Variants in CCDC141 observed in about 807,000 individuals in gnomAD.
CCDC141 encodes the protein coiled-coil domain containing 141.
Under a neutral mutation model 181.0 loss-of-function variants are expected in CCDC141, and 168 were observed. The observed-to-expected ratio is 0.93, with a 90% CI of 0.82 to 1.05. CCDC141 has a LOEUF of 1.05. CCDC141 is among the 50% of genes least tolerant of loss of function. The pLI is 0.00. For synonymous variants in CCDC141, 666 were observed against 642.3 expected (o/e 1.04, Z -0.56); for missense variants, 1,902 against 1,788.5 (o/e 1.06, Z -1.14).
intron 6 of CCDC141, among the ~76,000 whole-genome samples, chr2:178,931,972 C>G (rs911954050): frequency 6.6e-6 from 1 of 152,018 alleles, no homozygotes; most frequent in East Asian, 1.9e-4. Context: ...TCGAGACCAG[C>G]CTGGCCAACA....
Position 178,966,860 on chromosome 2 carries a change from G to T in CCDC141, c.527-5377C>A, listed in dbSNP as rs528956619. Among the ~76,000 whole-genome samples the T allele has an allele frequency of 3.3e-5, 5 of 151,978 alleles. No homozygotes were observed. The East Asian group carries it at 7.8e-4, about 24-fold the overall frequency. On this transcript the variant is annotated intron_variant, in intron 4 of 23. Coordinates refer to ENST00000443758, the MANE Select transcript of CCDC141 (RefSeq NM_173648.4). ...AGGAAGCTAAGAACCTTGAAAAAAA[G>T]GTTAGACGAATTGCTAACTAGAATA...
chr2:178,930,994 C>T (rs1575231697), intron 6 of CCDC141, among the ~76,000 whole-genome samples: 1 of 152,030 alleles, frequency 6.6e-6, no homozygotes, highest in Non-Finnish European at 1.5e-5. Flanking sequence ...TATCAAAGAA[C>T]ATTTTGGTCA....
intron 2 of CCDC141, among the ~76,000 whole-genome samples, chr2:179,025,235 T>A (rs908661913): frequency 6.6e-6 from 1 of 152,090 alleles, no homozygotes. Context: ...TAGTGCCTGA[T>A]AGGTAATTTT....
intron 2 of CCDC141, among the ~76,000 whole-genome samples, chr2:178,981,636 G>GTGTATATA (rs1313433628): frequency 0.033 from 2,055 of 62,326 alleles, 47 homozygotes; most frequent in Non-Finnish European, 0.044. Context: ...GTGTGTGTGT[G>GTGTATATA]TATATATATA....
intron 6 of CCDC141, among the ~76,000 whole-genome samples, chr2:178,929,711 G>T (rs1689029481): frequency 6.6e-6 from 1 of 152,068 alleles, no homozygotes; most frequent in African/African-American, 2.4e-5. Context: ...TATCTTCTGA[G>T]TTTTAACAAT....
At chr2:178,990,576 GA>G (rs1187127123) in intron 2 of CCDC141, among the ~76,000 whole-genome samples, 143 of 123,144 alleles carry the variant, frequency 1.2e-3, no homozygotes, top group South Asian at 1.8e-3. Flanking sequence ...AAGAGAAGGG[GA>G]GGGGAGTGGA....
chr2:178,987,301 A>T (rs182329074), intron 2 of CCDC141, among the ~76,000 whole-genome samples: 26 of 152,152 alleles, frequency 1.7e-4, no homozygotes, highest in African/African-American at 5.8e-4. Flanking sequence ...TCCTTACACC[A>T]TATACAAAAA....
chr2:178,839,610 T>TAAAA (rs1684642326), intron 22 of CCDC141, among the ~76,000 whole-genome samples: 8 of 70,520 alleles, frequency 1.1e-4, no homozygotes, highest in African/African-American at 2.5e-4. Context: ...AAAAAAAATG[T>TAAAA]GTTTTCAGGT....
intron 20 of CCDC141, among the ~76,000 whole-genome samples, chr2:178,851,065 G>A (rs950796126): frequency 5.3e-5 from 8 of 152,032 alleles, no homozygotes; most frequent in African/African-American, 1.9e-4. Context: ...AATTAACCTG[G>A]TGTGGTGGCA....
rs765373299 is a variant in CCDC141, at chr2:178,868,138, T to C, written c.2462A>G (p.His821Arg). The C allele has an allele frequency of 1.2e-6, 2 of 1,614,072 alleles. No individual in the cohort carries two copies. The highest frequency in any genetic ancestry group is 1.3e-5 in the African/African-American group (1 of 75,056). Residue 821 changes from histidine (H) to arginine (R), a missense_variant, in exon 16 of 24, where the codon CAT (histidine) becomes CGT (arginine). Coordinates refer to ENST00000443758, the MANE Select transcript of CCDC141 (RefSeq NM_173648.4). ...GCACCGGAGGTGAATCTGCACATCA[T>C]GGGCATCACCCAGTTCCTTCGGCTG... ...VEQPKELGDA[H>R]DVQIHLRCSQ...
chr2:178,956,849 AC>A (rs1343751155), intron 5 of CCDC141, among the ~76,000 whole-genome samples: 6 of 151,800 alleles, frequency 4.0e-5, no homozygotes, highest in Non-Finnish European at 7.4e-5. Context: ...GTAATGCTAC[AC>A]CTGGGGGAAA....
chr2:178,895,974 T>TA (rs1034169455), intron 8 of CCDC141, among the ~76,000 whole-genome samples: 1 of 152,150 alleles, frequency 6.6e-6, no homozygotes, highest in Non-Finnish European at 1.5e-5. Flanking sequence ...TAACATAAGG[T>TA]AAAAAAGAGG....
chr2:178,845,034 T>C (rs1684877288), intron 22 of CCDC141, among the ~76,000 whole-genome samples: 1 of 152,236 alleles, frequency 6.6e-6, no homozygotes, highest in South Asian at 2.1e-4. Flanking sequence ...TCTGTAGTCG[T>C]TACATGCTTT....
chr2:178,857,167 C>A (rs1023427893), intron 17 of CCDC141, among the ~76,000 whole-genome samples: 2 of 152,090 alleles, frequency 1.3e-5, no homozygotes, highest in African/African-American at 4.8e-5. Context: ...CCAGATCTCT[C>A]TATCTTTTAA....
chr2:178,955,142 C>T (rs191867435), intron 5 of CCDC141, among the ~76,000 whole-genome samples: 76 of 152,096 alleles, frequency 5.0e-4, no homozygotes, highest in African/African-American at 3.4e-4. Flanking sequence ...AAAATATAGC[C>T]GGCATGGTGG....
intron 17 of CCDC141, among the ~76,000 whole-genome samples, chr2:178,857,161 ATCTC>A (rs1171754891): frequency 1.3e-5 from 2 of 152,010 alleles, no homozygotes; most frequent in Non-Finnish European, 2.9e-5. Context: ...TTTGCCCCAG[ATCTC>A]TCTATCTTTT....
At chr2:178,908,317 C>T (rs937173136) in intron 7 of CCDC141, among the ~76,000 whole-genome samples, 1 of 152,088 alleles carries the variant, frequency 6.6e-6, no homozygotes, top group African/African-American at 2.4e-5. Flanking sequence ...GCCTCAGCCT[C>T]CCGAGTAGCT....
intron 3 of CCDC141, among the ~76,000 whole-genome samples, chr2:178,976,867 G>A (rs1433795333): frequency 6.6e-6 from 1 of 152,030 alleles, no homozygotes; most frequent in Non-Finnish European, 1.5e-5. Flanking sequence ...AAGTTCCAGG[G>A]TCACTGTTTA....
At position 179,015,065 on chromosome 2, in the gene CCDC141, GAGATATATATATAT is replaced by G. The variant is rs1214334276; in HGVS notation, c.225+32205_225+32218del. Among the ~76,000 whole-genome samples the G allele has an allele frequency of 3.9e-3, 43 of 10,978 alleles. 8 individuals are homozygous for G. The highest frequency in any genetic ancestry group is 0.037 in the Admixed American group (39 of 1,058). 7.2% of individuals were successfully genotyped at this position (10,978 alleles called of 152,430 possible). ...GAGTGGATAAACTGTGAGAGAGACA[GAGATATATATATAT>G]ATATATATATATATATATATATATA... is the stretch of plus-strand genomic sequence containing the variant. On this transcript the variant is annotated intron_variant, in intron 2 of 23. Transcript: ENST00000443758.
Sources: allele counts gnomAD v4.1 joint callset (sites outside exome capture counted in the v4.1 genomes callset), GRCh38; gene constraint gnomAD v4.1.1; transcripts MANE v1.5; gene names NCBI Gene and HGNC (gene_info 2026-07-23, HGNC 2026-07-21).